The following VDAC1 variants were observed in gnomAD, a reference collection of about 807,000 sequenced individuals.
The protein encoded by VDAC1 is non-selective voltage-gated ion channel VDAC1.
In VDAC1, 10 loss-of-function variants were observed where a neutral mutation model predicts 34.7. The ratio of observed to expected loss-of-function variants is 0.29; its 90% CI spans 0.18 to 0.49. VDAC1 has a LOEUF of 0.49. Ranked by LOEUF, VDAC1 falls within the 20% of genes least tolerant of loss-of-function variation. VDAC1 has a pLI of 0.99. For missense variants in VDAC1, 230 were observed against 347.9 expected (o/e 0.66, Z 2.69); for synonymous variants, 130 against 136.0 (o/e 0.96, Z 0.30).
chr5:133,990,037 T>G (rs1753045301), intron 5 of VDAC1, among the ~76,000 whole-genome samples: 1 of 152,242 alleles, frequency 6.6e-6, no homozygotes, highest in Non-Finnish European at 1.5e-5. Context: ...TCCCCAGGTT[T>G]GGAAGACCCA....
the VDAC1 span, among the ~76,000 whole-genome samples, chr5:134,095,354 G>C: frequency 6.6e-6 from 1 of 151,970 alleles, no homozygotes; most frequent in East Asian, 1.9e-4. Context: ...ATGGTGGCTC[G>C]TGCCTATAGT....
chr5:133,999,831 T>C (rs1475911277), intron 1 of VDAC1, among the ~76,000 whole-genome samples: 1 of 152,008 alleles, frequency 6.6e-6, no homozygotes. Context: ...ATCACAACCA[T>C]CATCATCATC....
chr5:134,075,942 T>C, the VDAC1 span, among the ~76,000 whole-genome samples: 1 of 152,020 alleles, frequency 6.6e-6, no homozygotes, highest in Non-Finnish European at 1.5e-5. Context: ...TATGCACTAC[T>C]GAGCTTGCAA....
the VDAC1 span, among the ~76,000 whole-genome samples, chr5:134,039,543 A>C: frequency 2.0e-5 from 3 of 151,910 alleles, no homozygotes; most frequent in Non-Finnish European, 4.4e-5. Flanking sequence ...GTTAGCCAGG[A>C]TGGTCTCGAT....
chr5:134,053,545 G>C, the VDAC1 span, among the ~76,000 whole-genome samples: 1 of 152,202 alleles, frequency 6.6e-6, no homozygotes, highest in Admixed American at 6.5e-5. Flanking sequence ...CAGACCCGGA[G>C]GACCTCACCC....
intron 6 of VDAC1, among the ~76,000 whole-genome samples, chr5:133,978,598 T>C (rs1752570543): frequency 6.6e-6 from 1 of 152,210 alleles, no homozygotes; most frequent in African/African-American, 2.4e-5. Flanking sequence ...TTTGAATGAC[T>C]TTAGTAATAT....
intron 5 of VDAC1, among the ~76,000 whole-genome samples, chr5:133,989,965 A>C (rs1753043145): frequency 6.6e-6 from 1 of 152,198 alleles, no homozygotes; most frequent in Non-Finnish European, 1.5e-5. Flanking sequence ...CCCGGCCCAC[A>C]ATTTTTAAAA....
chr5:134,070,016 T>C, the VDAC1 span, among the ~76,000 whole-genome samples: 1 of 152,028 alleles, frequency 6.6e-6, no homozygotes, highest in East Asian at 1.9e-4. Context: ...CCCTATACGG[T>C]CTAAAAAGGG....
chr5:134,090,959 A>G, the VDAC1 span, among the ~76,000 whole-genome samples: 1 of 152,328 alleles, frequency 6.6e-6, no homozygotes, highest in East Asian at 1.9e-4. Context: ...GAGACTTCAT[A>G]CAGCTGGTCC....
At chr5:134,001,731 A>AT (rs1297102553) in intron 1 of VDAC1, among the ~76,000 whole-genome samples, 1 of 151,144 alleles carries the variant, frequency 6.6e-6, no homozygotes, top group Admixed American at 6.6e-5. Context: ...AAAAAAAAAA[A>AT]AAAAGAGAGA....
chr5:134,004,115 G>A lies in VDAC1; in HGVS notation c.-7+780C>T, dbSNP rs180980885. On this transcript the variant is annotated intron_variant, in intron 1 of 8. Coordinates refer to ENST00000265333, the MANE Select transcript of VDAC1 (RefSeq NM_003374.3). ...CACAGGCGGGCGGTGCCGGGCGCCA[G>A]CTTCTGCGGGCGTGGGCCGGCCAGG... Among the ~76,000 whole-genome samples the A allele has an allele frequency of 3.8e-4, 58 of 152,300 alleles. No homozygotes were observed. In the East Asian group the frequency reaches 0.011, roughly 28 times the overall value.
the VDAC1 span, among the ~76,000 whole-genome samples, chr5:134,111,237 C>T: frequency 6.6e-6 from 1 of 152,200 alleles, no homozygotes; most frequent in South Asian, 2.1e-4. Context: ...TCATCTGCTC[C>T]AACAACCCTC....
chr5:134,082,198 G>A, the VDAC1 span, among the ~76,000 whole-genome samples: 3 of 152,168 alleles, frequency 2.0e-5, no homozygotes, highest in Non-Finnish European at 4.4e-5. Context: ...GAGTTTTCTT[G>A]TGCTTCTTTG....
At chr5:133,976,805 A>C (rs1026172548) in intron 6 of VDAC1, among the ~76,000 whole-genome samples, 26 of 152,186 alleles carry the variant, frequency 1.7e-4, no homozygotes, top group African/African-American at 6.3e-4. Context: ...GCACTTTGGG[A>C]GGCCAAGGCG....
chr5:134,020,407 G>C, the VDAC1 span, among the ~76,000 whole-genome samples: 1 of 151,714 alleles, frequency 6.6e-6, no homozygotes, highest in Non-Finnish European at 1.5e-5. Flanking sequence ...TGTGCTAAAG[G>C]CTCCTCCCCA....
the VDAC1 span, among the ~76,000 whole-genome samples, chr5:134,041,568 T>C: frequency 6.6e-6 from 1 of 152,126 alleles, no homozygotes; most frequent in South Asian, 2.1e-4. Context: ...GACTCTGTAA[T>C]GCCCCCTCCC....
chr5:134,001,284 G>A (rs1272956072), intron 1 of VDAC1, among the ~76,000 whole-genome samples: 2 of 152,154 alleles, frequency 1.3e-5, no homozygotes, highest in African/African-American at 2.4e-5. Flanking sequence ...GCTGACCTGT[G>A]AAATGGAAAC....
the VDAC1 span, among the ~76,000 whole-genome samples, chr5:134,055,586 A>ATTTTTTTTTTTTTT: frequency 1.7e-5 from 1 of 60,076 alleles, no homozygotes; most frequent in Admixed American, 2.0e-4. Context: ...CGCCCCGCTA[A>ATTTTTTTTTTTTTT]TGTTTTTTTT....
At chr5:134,062,317 T>A in the VDAC1 span, among the ~76,000 whole-genome samples, 2 of 151,752 alleles carry the variant, frequency 1.3e-5, 1 homozygote, top group Non-Finnish European at 2.9e-5. Context: ...TGATACGGAA[T>A]TTTTATCAAA....
Sources: gnomAD v4.1 joint callset for allele counts (sites outside exome capture counted in the v4.1 genomes callset) on GRCh38, gnomAD v4.1.1 for gene constraint, MANE v1.5 for transcripts, NCBI Gene and HGNC (gene_info 2026-07-23, HGNC 2026-07-21) for gene names.